The following SYNE1 variants were observed in gnomAD, a reference collection of about 807,000 sequenced individuals.
The protein encoded by SYNE1 is spectrin repeat containing nuclear envelope protein 1.
Under a neutral mutation model 1,111.0 loss-of-function variants are expected in SYNE1, and 616 were observed. The observed-to-expected ratio is 0.55, with a 90% CI of 0.52 to 0.59. The LOEUF (loss-of-function observed/expected upper bound fraction) is 0.59. Among genes scored for constraint, SYNE1 ranks in the 20% least tolerant of loss-of-function variants. The pLI is 0.00. For missense variants in SYNE1, 10,006 were observed against 10,417.0 expected (o/e 0.96, Z 1.72); for synonymous variants, 3,855 against 3,825.8 (o/e 1.01, Z -0.28).
In SYNE1 at chr6:152,401,138, C is replaced by A. The variant is rs1175436587; in HGVS notation, c.7029G>T (p.Lys2343Asn). The change falls in exon 47 of 146, where the codon AAG (lysine) becomes AAT (asparagine). Residue 2343 changes from lysine to asparagine, a missense_variant and splice_region_variant. By Grantham distance (94) the Lys-to-Asn change is moderately conservative. This residue lies in a region of SYNE1 where 4,955 missense variants were observed against 5,017.2 expected (regional missense o/e 0.99). Coordinates refer to ENST00000367255, the MANE Select transcript of SYNE1 (RefSeq NM_182961.4). ...CACTTAATGATAGTTTATTACCTAC[C>A]TTGACTTTTTTCAATGCTTCACAAG... ...NETCEALKKV[K>N]DIQKELQSQQ... is the part of the protein sequence containing the mutation. 3 of 1,613,876 alleles carry A rather than the reference C, an allele frequency of 1.9e-6. No individual in the cohort carries two copies. In the African/African-American group the frequency reaches 4.0e-5, roughly 22 times the overall value.
rs1409120727 is a variant in SYNE1, at chr6:152,227,109, T to C, written c.21196-1233A>G. 2.6e-5 allele frequency among the ~76,000 whole-genome samples: 4 copies of C among 152,334 alleles called. No individual in the cohort carries two copies. The South Asian group carries it at 6.2e-4, about 24-fold the overall frequency. On this transcript the variant is annotated intron_variant, in intron 115 of 145. Transcript: ENST00000367255. The stretch of plus-strand genomic sequence containing the variant: ...TTAATGAGGAGTCCAGTCTCTGTTA[T>C]ATTAATTTCAAATGTCATGCCTCTT...
intron 33 of SYNE1, 65 bp from the exon 34 acceptor site, chr6:152,434,010 C>G: frequency 7.2e-7 from 1 of 1,395,922 alleles, no homozygotes; most frequent in Non-Finnish European, 9.9e-7. Flanking sequence ...ACACATTTTC[C>G]TTGAAATCAC....
intron 129 of SYNE1, among the ~76,000 whole-genome samples, chr6:152,178,487 A>C (rs2067042905): frequency 6.6e-6 from 1 of 152,238 alleles, no homozygotes; most frequent in Non-Finnish European, 1.5e-5. Context: ...TGGATAAGCA[A>C]ATTGGATACA....
intron 3 of SYNE1, among the ~76,000 whole-genome samples, chr6:152,592,462 GAA>G (rs2099569791): frequency 6.6e-6 from 1 of 152,092 alleles, no homozygotes; most frequent in Non-Finnish European, 1.5e-5. Context: ...ATTAACACAG[GAA>G]TAGAAAACCA....
chr6:152,445,047 G>A (rs983169156), intron 29 of SYNE1, among the ~76,000 whole-genome samples: 1 of 151,740 alleles, frequency 6.6e-6, no homozygotes, highest in Non-Finnish European at 1.5e-5. Flanking sequence ...CATTTATGGG[G>A]CTTGCAGGTT....
chr6:152,271,715 G>T (rs920283356), intron 98 of SYNE1, among the ~76,000 whole-genome samples: 5 of 152,192 alleles, frequency 3.3e-5, no homozygotes, highest in African/African-American at 1.2e-4. Flanking sequence ...AAGCAAAGTT[G>T]AAACAGCAGT....
chr6:152,484,139 G>A (rs995967670), intron 13 of SYNE1, among the ~76,000 whole-genome samples: 10 of 151,850 alleles, frequency 6.6e-5, no homozygotes, highest in Non-Finnish European at 1.3e-4. Flanking sequence ...TTGAGCCAAG[G>A]AGGTTGAAGC....
At chr6:152,178,617 C>T (rs1221775806) in intron 129 of SYNE1, among the ~76,000 whole-genome samples, 1 of 152,070 alleles carries the variant, frequency 6.6e-6, no homozygotes, top group Non-Finnish European at 1.5e-5. Flanking sequence ...TCCTAATAAC[C>T]ATTTATATTT....
At chr6:152,395,939 C>T (rs937866906) in intron 50 of SYNE1, among the ~76,000 whole-genome samples, 1 of 152,142 alleles carries the variant, frequency 6.6e-6, no homozygotes, top group African/African-American at 2.4e-5. Flanking sequence ...TGGTAATTGC[C>T]AACAAGATCA....
chr6:152,235,490 C>T (rs6931377), intron 110 of SYNE1, among the ~76,000 whole-genome samples: 114,381 of 151,844 alleles, frequency 0.75, 43,731 homozygotes, highest in East Asian at 0.89. Flanking sequence ...GCCTCCTGAG[C>T]AGCTGGGATT....
At position 152,459,635 on chromosome 6, in the gene SYNE1, T is replaced by C. The variant is rs375522436; in HGVS notation, c.2395-705A>G. On this transcript the variant is annotated intron_variant, in intron 21 of 145. Coordinates refer to ENST00000367255, the MANE Select transcript of SYNE1 (RefSeq NM_182961.4). ...TTATAGACCTGCATTGTCTTAAAGA[T>C]GAGGCCACTAGCTCCTGGAAATCAA... Among the ~76,000 whole-genome samples the C allele has an allele frequency of 8.5e-5, 13 of 152,306 alleles. No individual in the cohort carries two copies. In the South Asian group the frequency reaches 2.3e-3, roughly 27 times the overall value.
chr6:152,557,888 G>T (rs2099375383), intron 3 of SYNE1, among the ~76,000 whole-genome samples: 1 of 100,080 alleles, frequency 1.0e-5, no homozygotes, highest in Non-Finnish European at 2.1e-5. Flanking sequence ...AAATCTCATT[G>T]TAAAGGTAAC....
At chr6:152,520,611 A>T (rs2099134350) in intron 5 of SYNE1, 69 bp from the exon 6 acceptor site, 2 of 1,491,266 alleles carry the variant, frequency 1.3e-6, no homozygotes, top group South Asian at 2.3e-5. Flanking sequence ...TATAAGATCT[A>T]TTTAAATGGA....
chr6:152,349,679 C>T (rs2096707906), intron 72 of SYNE1, among the ~76,000 whole-genome samples: 1 of 152,184 alleles, frequency 6.6e-6, no homozygotes, highest in Non-Finnish European at 1.5e-5. Flanking sequence ...GAGACTCAGA[C>T]CTTCATATGG....
In SYNE1 at chr6:152,242,363, C is replaced by T. The variant is rs374361261; in HGVS notation, c.19770G>A (p.Gln6590=). The part of the protein sequence containing the change: ...GLNQNLTLKS[Q]YERALQDLAD... ...CCAGATCTTGTAGGGCCCTCTCATA[C>T]TGACTCTTGAGTGTAAGGTTCTGAT... Residue 6590 remains glutamine, a synonymous_variant, in exon 107 of 146, where the codon CAG becomes CAA. Transcript: ENST00000367255. 3.1e-6 allele frequency: 5 copies of T among 1,613,992 alleles called. No individual in the cohort carries two copies. In the African/African-American group the frequency reaches 4.0e-5, roughly 13 times the overall value.
chr6:152,200,070 C>A lies in SYNE1; in HGVS notation c.23145+1754G>T, dbSNP rs1362953786. On this transcript the variant is annotated intron_variant, in intron 127 of 145. Transcript: ENST00000367255. Reference sequence around the variant, plus strand: ...TTTCCACTTTTCACACCGATTTCTACCCCCCCAACTCGAGCATCAGATTTG... The same window carrying A: ...TTTCCACTTTTCACACCGATTTCTAACCCCCCAACTCGAGCATCAGATTTG... Among the ~76,000 whole-genome samples the A allele has an allele frequency of 4.6e-5, 7 of 151,292 alleles. No individual in the cohort carries two copies. The East Asian group carries it at 7.7e-4, about 17-fold the overall frequency.
chr6:152,547,233 A>C (rs966212497), intron 3 of SYNE1, among the ~76,000 whole-genome samples: 6 of 152,218 alleles, frequency 3.9e-5, no homozygotes, highest in Non-Finnish European at 5.9e-5. Context: ...GCTAACCAAA[A>C]CAGAAATTGC....
intron 9 of SYNE1, among the ~76,000 whole-genome samples, chr6:152,504,147 C>G (rs1450317223): frequency 2.0e-5 from 3 of 152,132 alleles, no homozygotes; most frequent in Non-Finnish European, 4.4e-5. Context: ...AGCTCTGATA[C>G]ATCCTCTGAA....
intron 3 of SYNE1, among the ~76,000 whole-genome samples, chr6:152,565,390 G>A (rs1368020939): frequency 6.6e-6 from 1 of 152,188 alleles, no homozygotes; most frequent in Non-Finnish European, 1.5e-5. Context: ...AGGGCTAGCA[G>A]ATTTGTCCTC....
Sources: gnomAD v4.1 joint callset for allele counts (sites outside exome capture counted in the v4.1 genomes callset) on GRCh38, gnomAD v4.1.1 for gene constraint, gnomAD v4.1.1 regional missense constraint, MANE v1.5 for transcripts, NCBI Gene and HGNC (gene_info 2026-07-23, HGNC 2026-07-21) for gene names.